The following DERA variants were observed in gnomAD, a reference collection of about 807,000 sequenced individuals.
The protein encoded by DERA is deoxyribose-phosphate aldolase, also known as 2-deoxy-D-ribose 5-phosphate aldolase.
Under a neutral mutation model 41.1 loss-of-function variants are expected in DERA, and 15 were observed. That is an observed-to-expected ratio of 0.37 (90% CI 0.24 to 0.56). The LOEUF (loss-of-function observed/expected upper bound fraction) is 0.56, where lower values mean the gene tolerates loss of function less well. Ranked by LOEUF, DERA falls within the 20% of genes least tolerant of loss-of-function variation. The pLI is 0.81. For synonymous variants in DERA, 139 were observed against 137.4 expected (o/e 1.01, Z -0.08); for missense variants, 396 against 403.4 (o/e 0.98, Z 0.16).
chr12:15,926,760 AAGAAAC>A (rs1948289349), intron 1 of DERA, among the ~76,000 whole-genome samples: 1 of 151,308 alleles, frequency 6.6e-6, no homozygotes, highest in South Asian at 2.1e-4. Context: ...AAAAAAAAAA[AAGAAAC>A]AAGAGAATCC....
rs1948268746 is a variant in DERA at position 15,924,615 on chromosome 12, G to A, written c.31+13201G>A. Among the ~76,000 whole-genome samples, 1 of 152,078 alleles carries A rather than the reference G, an allele frequency of 6.6e-6. No individual in the cohort carries two copies. The highest frequency in any genetic ancestry group is 1.5e-5 in the Non-Finnish European group (1 of 68,020). ...TCCTTATCTGTAAAATGGACCTAAT[G>A]GCTACCTGGTAGAGTTAGTGAGACT... On this transcript the variant is annotated intron_variant, in intron 1 of 8. Coordinates refer to ENST00000428559, the MANE Select transcript of DERA (RefSeq NM_015954.4). The surrounding 1 kb of genome is among the most constrained non-coding windows in gnomAD (Gnocchi z 5.0).
Position 15,988,611 on chromosome 12 carries a change from C to T in DERA, c.637+6175C>T, listed in dbSNP as rs899678745. On this transcript the variant is annotated intron_variant, in intron 6 of 8. Coordinates refer to ENST00000428559, the MANE Select transcript of DERA (RefSeq NM_015954.4). This position sits in a 1 kb window ranked among gnomAD's most constrained non-coding sequence, Gnocchi z 6.0. ...TGGATGGGCCTGGAAAAAGCACCAT[C>T]GGACTGCCTGAATGGTCATCAATGA... Among the ~76,000 whole-genome samples, 7 of 152,128 alleles carry T rather than the reference C, an allele frequency of 4.6e-5. No individual in the cohort carries two copies. The highest frequency in any genetic ancestry group is 1.7e-4 in the African/African-American group (7 of 41,434).
intron 5 of DERA, among the ~76,000 whole-genome samples, chr12:15,969,203 C>T (rs1002567586): frequency 1.5e-4 from 23 of 152,266 alleles, no homozygotes; most frequent in African/African-American, 5.5e-4. Flanking sequence ...TTTCATAAAT[C>T]TTATTGAGCA....
rs1018857816 is a variant in DERA, at chr12:16,012,484, GT to G, written c.638-20051del. On this transcript the variant is annotated intron_variant, in intron 6 of 8. Transcript: ENST00000428559. This position sits in a 1 kb window ranked among gnomAD's most constrained non-coding sequence, Gnocchi z 4.1. ...CCCCTGTCCCTTAAAGAGATATTCTGTTTTTTTCTAAGGAGGGCAGGTTGAG... is the reference window on the plus strand; with the variant it reads ...CCCCTGTCCCTTAAAGAGATATTCTGTTTTTTCTAAGGAGGGCAGGTTGAG... Among the ~76,000 whole-genome samples the G allele has an allele frequency of 2.0e-5, 3 of 152,136 alleles. No individual in the cohort carries two copies. Among genetic ancestry groups the G allele is most frequent in the Non-Finnish European group, 4.4e-5 (3 of 68,006 alleles).
Position 15,922,614 on chromosome 12 carries a change from G to C in DERA, c.31+11200G>C, listed in dbSNP as rs1381746174. 2.6e-5 allele frequency among the ~76,000 whole-genome samples: 4 copies of C among 152,180 alleles called. No individual in the cohort carries two copies. Among genetic ancestry groups the C allele is most frequent in the African/African-American group, 9.7e-5 (4 of 41,444 alleles). On this transcript the variant is annotated intron_variant, in intron 1 of 8. Transcript: ENST00000428559. The surrounding 1 kb of genome is among the most constrained non-coding windows in gnomAD (Gnocchi z 4.9). ...GTTGTTTTGGTGCTTGACAGTAGTTGTTTTTACAGGCCAAGTTGAAATTAG... is the reference window on the plus strand; with the variant it reads ...GTTGTTTTGGTGCTTGACAGTAGTTCTTTTTACAGGCCAAGTTGAAATTAG...
At chr12:15,991,972 G>T (rs1369389659) in intron 6 of DERA, among the ~76,000 whole-genome samples, 1 of 151,880 alleles carries the variant, frequency 6.6e-6, no homozygotes, top group African/African-American at 2.4e-5. Context: ...TTATGCAAAG[G>T]CAGAATTAAT....
In DERA at chr12:15,993,622, A is replaced by G. The variant is rs1280821900; in HGVS notation, c.637+11186A>G. Among the ~76,000 whole-genome samples the G allele has an allele frequency of 2.0e-5, 3 of 152,146 alleles. No individual in the cohort carries two copies. Among genetic ancestry groups the G allele is most frequent in the Non-Finnish European group, 2.9e-5 (2 of 68,024 alleles). On this transcript the variant is annotated intron_variant, in intron 6 of 8. Transcript: ENST00000428559. This position sits in a 1 kb window ranked among gnomAD's most constrained non-coding sequence, Gnocchi z 4.4. The stretch of plus-strand genomic sequence containing the variant: ...TTTGTATTGGGTTAAGAGATAAAAG[A>G]TTTAAAGTGTACATTTATTTACAGT...
intron 5 of DERA, among the ~76,000 whole-genome samples, chr12:15,975,020 C>T (rs369758971): frequency 6.6e-6 from 1 of 152,198 alleles, no homozygotes; most frequent in East Asian, 1.9e-4. Flanking sequence ...TCAAGTAGTC[C>T]CAGATTTGGC....
intron 6 of DERA, among the ~76,000 whole-genome samples, chr12:15,997,554 T>C (rs1238774674): frequency 6.6e-6 from 1 of 152,206 alleles, no homozygotes; most frequent in East Asian, 1.9e-4. Flanking sequence ...CAGCTTATTC[T>C]GCAGTCATGA....
rs1387172473 is a variant in DERA at position 15,990,832 on chromosome 12, C to A, written c.637+8396C>A. On this transcript the variant is annotated intron_variant, in intron 6 of 8. Transcript: ENST00000428559. The surrounding 1 kb of genome is among the most constrained non-coding windows in gnomAD (Gnocchi z 4.3). ...TAGTCCATGGTGCATATATATACAC[C>A]ACATTTTATTTATCCAGTCTATCAT... Among the ~76,000 whole-genome samples the A allele has an allele frequency of 6.6e-6, 1 of 151,986 alleles. No homozygotes were observed. Among genetic ancestry groups the A allele is most frequent in the African/African-American group, 2.4e-5 (1 of 41,382 alleles).
chr12:15,942,354 T>C (rs1471076139), intron 1 of DERA, among the ~76,000 whole-genome samples: 1 of 152,226 alleles, frequency 6.6e-6, no homozygotes, highest in Non-Finnish European at 1.5e-5. Context: ...GTGCAGAAGC[T>C]TCTTAGTTTA....
chr12:15,951,063 G>C (rs1193483589), intron 1 of DERA, among the ~76,000 whole-genome samples: 1 of 152,180 alleles, frequency 6.6e-6, no homozygotes, highest in Non-Finnish European at 1.5e-5. Context: ...AACAAGGCTG[G>C]AGCCATTTGA....
chr12:15,923,243 C>G (rs557113439), intron 1 of DERA, among the ~76,000 whole-genome samples: 3 of 151,566 alleles, frequency 2.0e-5, no homozygotes, highest in African/African-American at 7.3e-5. Flanking sequence ...GGGATGGTCT[C>G]GATCTCCTGA....
At chr12:15,949,584 A>G (rs1393453599) in intron 1 of DERA, among the ~76,000 whole-genome samples, 1 of 152,158 alleles carries the variant, frequency 6.6e-6, no homozygotes, top group Non-Finnish European at 1.5e-5. Flanking sequence ...CCGATTTTCC[A>G]GGTGCCATCT....
In DERA at chr12:15,982,252, C is replaced by A; in HGVS notation, c.509-56C>A. On this transcript the variant is annotated intron_variant, in intron 5 of 8. Transcript: ENST00000428559. This position sits in a 1 kb window ranked among gnomAD's most constrained non-coding sequence, Gnocchi z 4.0. ...GGTTCCACCAGCTCTAAACGGCTGC[C>A]AAGTTATGTTATCACTTGCCTGCTT... 6.4e-7 allele frequency: 1 copy of A among 1,560,160 alleles called. No homozygotes were observed. The highest frequency in any genetic ancestry group is 1.2e-5 in the South Asian group (1 of 82,044).
At chr12:16,022,764 T>A (rs925514524) in intron 6 of DERA, among the ~76,000 whole-genome samples, 3 of 152,180 alleles carry the variant, frequency 2.0e-5, no homozygotes, top group African/African-American at 7.2e-5. Flanking sequence ...GAGCAGAAGC[T>A]ACTAGAACCA....
chr12:15,942,287 C>T (rs1163307093), intron 1 of DERA, among the ~76,000 whole-genome samples: 2 of 152,052 alleles, frequency 1.3e-5, no homozygotes, highest in African/African-American at 2.4e-5. Context: ...GCATAGTTTG[C>T]GAATATTTAC....
Position 15,976,431 on chromosome 12 carries a change from A to G in DERA, c.509-5877A>G, listed in dbSNP as rs1259798109. On this transcript the variant is annotated intron_variant, in intron 5 of 8. Coordinates refer to ENST00000428559, the MANE Select transcript of DERA (RefSeq NM_015954.4). This position sits in a 1 kb window ranked among gnomAD's most constrained non-coding sequence, Gnocchi z 4.1. ...CTCACCTCGCCTCCATCATGTTGCC[A>G]TGATGTAGCAACATGCAGGCCAAGA... is the stretch of plus-strand genomic sequence containing the variant. Among the ~76,000 whole-genome samples, 7 of 152,048 alleles carry G rather than the reference A, an allele frequency of 4.6e-5. No individual in the cohort carries two copies. The highest frequency in any genetic ancestry group is 2.1e-4 in the South Asian group (1 of 4,818).
intron 6 of DERA, among the ~76,000 whole-genome samples, chr12:15,997,462 G>A (rs1360080897): frequency 1.3e-5 from 2 of 152,062 alleles, no homozygotes; most frequent in Non-Finnish European, 2.9e-5. Flanking sequence ...CTAGAATAAA[G>A]AAATGAAGGG....
Sources: gnomAD v4.1 joint callset for allele counts (sites outside exome capture counted in the v4.1 genomes callset) on GRCh38, gnomAD v4.1.1 for gene constraint, Gnocchi (gnomAD v3.1) non-coding constraint, MANE v1.5 for transcripts, NCBI Gene and HGNC (gene_info 2026-07-23, HGNC 2026-07-21) for gene names.